Variants in ITGBL1 observed in about 807,000 individuals in gnomAD.
The protein encoded by ITGBL1 is integrin beta-like protein 1.
ITGBL1 carries 51 observed loss-of-function variants against 68.5 expected under a neutral mutation model. The observed-to-expected ratio is 0.74, with a 90% CI of 0.59 to 0.94. The LOEUF (loss-of-function observed/expected upper bound fraction) is 0.94. Among genes scored for constraint, ITGBL1 ranks in the 40% least tolerant of loss-of-function variants. The pLI is 0.00. For synonymous variants in ITGBL1, 209 were observed against 227.3 expected (o/e 0.92, Z 0.72); for missense variants, 649 against 647.4 (o/e 1.00, Z -0.03).
At chr13:101,638,416 A>G (rs2032246370) in intron 7 of ITGBL1, among the ~76,000 whole-genome samples, 2 of 128,420 alleles carry the variant, frequency 1.6e-5, no homozygotes, top group South Asian at 2.7e-4. Flanking sequence ...TTCAGTATTT[A>G]CCTTCTTTCT....
At chr13:101,609,545 A>T (rs968256983) in intron 7 of ITGBL1, among the ~76,000 whole-genome samples, 1 of 152,128 alleles carries the variant, frequency 6.6e-6, no homozygotes, top group Non-Finnish European at 1.5e-5. Context: ...AGAAGAGACG[A>T]TCTCATTCAG....
At chr13:101,631,750 G>A (rs1005200209) in intron 7 of ITGBL1, among the ~76,000 whole-genome samples, 2 of 152,104 alleles carry the variant, frequency 1.3e-5, no homozygotes, top group Non-Finnish European at 2.9e-5. Flanking sequence ...AATATGAAAA[G>A]ATATTTACAC....
chr13:101,714,447 A>C lies in ITGBL1; in HGVS notation c.1289A>C (p.His430Pro), dbSNP rs768104574. ...GILCSGKGSC[H>P]CGKCICSAEE... ...GCCTTTGTAATTTCAGGTTCTTGTC[A>C]TTGTGGGAAGTGCATTTGTTCTGCT... Residue 430 changes from histidine to proline, a missense_variant, in exon 10 of 11, where the codon CAT becomes CCT. Physicochemically the swap from His to Pro is moderately conservative, Grantham distance 77. Transcript: ENST00000376180. 1 of 1,599,870 alleles carries C rather than the reference A, an allele frequency of 6.3e-7. No homozygotes were observed. The highest frequency in any genetic ancestry group is 1.7e-5 in the Admixed American group (1 of 60,002).
At chr13:101,532,713 C>T (rs2049505402) in intron 2 of ITGBL1, among the ~76,000 whole-genome samples, 2 of 152,010 alleles carry the variant, frequency 1.3e-5, no homozygotes, top group Admixed American at 6.6e-5. Context: ...TGCATAACAA[C>T]GTTTTGATAA....
intron 3 of ITGBL1, among the ~76,000 whole-genome samples, chr13:101,568,331 AT>A (rs1262312637): frequency 4.6e-5 from 7 of 152,116 alleles, no homozygotes; most frequent in Non-Finnish European, 4.4e-5. Flanking sequence ...AATATTTTTT[AT>A]TTCATAGAAG....
At chr13:101,709,345 C>T (rs552848665) in intron 9 of ITGBL1, among the ~76,000 whole-genome samples, 101 of 117,610 alleles carry the variant, frequency 8.6e-4, no homozygotes, top group African/African-American at 3.4e-3. Flanking sequence ...GCAGTCCGGC[C>T]TGGGTGACAG....
At chr13:101,538,153 A>T (rs919524716) in intron 2 of ITGBL1, among the ~76,000 whole-genome samples, 1 of 152,080 alleles carries the variant, frequency 6.6e-6, no homozygotes, top group African/African-American at 2.4e-5. Flanking sequence ...TATTGGTGTA[A>T]CTAAGGAAAT....
chr13:101,470,191 G>A (rs1156493253), intron 2 of ITGBL1, among the ~76,000 whole-genome samples: 1 of 152,120 alleles, frequency 6.6e-6, no homozygotes, highest in East Asian at 1.9e-4. Context: ...GAAATATTCT[G>A]TTACCTTAGC....
intron 7 of ITGBL1, among the ~76,000 whole-genome samples, chr13:101,608,029 A>G (rs149976040): frequency 6.6e-6 from 1 of 152,192 alleles, no homozygotes; most frequent in Non-Finnish European, 1.5e-5. Flanking sequence ...GGTATTGCAT[A>G]TGTTTTAGTT....
intron 8 of ITGBL1, among the ~76,000 whole-genome samples, chr13:101,698,607 C>G (rs937914086): frequency 6.6e-6 from 1 of 152,090 alleles, no homozygotes; most frequent in African/African-American, 2.4e-5. Context: ...CTCAAAACAT[C>G]TTTATTAAAA....
intron 2 of ITGBL1, among the ~76,000 whole-genome samples, chr13:101,471,528 ATGTATG>A (rs1176291092): frequency 7.7e-5 from 9 of 117,124 alleles, no homozygotes; most frequent in African/African-American, 2.1e-4. Context: ...GTGTGTGTGT[ATGTATG>A]TGTGTGTGTG....
chr13:101,663,381 C>G (rs2033135935), intron 7 of ITGBL1, among the ~76,000 whole-genome samples: 1 of 152,120 alleles, frequency 6.6e-6, no homozygotes, highest in Non-Finnish European at 1.5e-5. Flanking sequence ...GATCTAGTCT[C>G]TTTGTGCAGA....
chr13:101,593,339 C>T lies in ITGBL1; in HGVS notation c.869-4814C>T, dbSNP rs138929803. ...GGGTGAAAATGTAAATTAGTATAGTCACTATGGAAAACTGTATGGAGGTTC... is the reference window on the plus strand; with the variant it reads ...GGGTGAAAATGTAAATTAGTATAGTTACTATGGAAAACTGTATGGAGGTTC... On this transcript the variant is annotated intron_variant, in intron 6 of 10. Coordinates refer to ENST00000376180, the MANE Select transcript of ITGBL1 (RefSeq NM_004791.3). Among the ~76,000 whole-genome samples, 760 of 152,090 alleles carry T rather than the reference C, an allele frequency of 5.0e-3. 3 individuals are homozygous for T. The highest frequency in any genetic ancestry group is 8.1e-3 in the Admixed American group (123 of 15,268).
At chr13:101,618,736 A>G (rs1301433800) in intron 7 of ITGBL1, among the ~76,000 whole-genome samples, 4 of 152,132 alleles carry the variant, frequency 2.6e-5, no homozygotes, top group African/African-American at 7.2e-5. Flanking sequence ...AATCTTGTCT[A>G]CTGCAGATGG....
chr13:101,656,803 T>C (rs2032939075), intron 7 of ITGBL1, among the ~76,000 whole-genome samples: 1 of 152,172 alleles, frequency 6.6e-6, no homozygotes, highest in Non-Finnish European at 1.5e-5. Context: ...GTCTACATCA[T>C]CTGTTTTTGC....
intron 7 of ITGBL1, among the ~76,000 whole-genome samples, chr13:101,601,237 T>C (rs1055666634): frequency 6.6e-6 from 1 of 152,248 alleles, no homozygotes; most frequent in Non-Finnish European, 1.5e-5. Context: ...GTGTTTATAG[T>C]ATTCTCTGAT....
chr13:101,593,045 A>G (rs1176219570), intron 6 of ITGBL1, among the ~76,000 whole-genome samples: 1 of 152,102 alleles, frequency 6.6e-6, no homozygotes, highest in Admixed American at 6.5e-5. Context: ...TTAAGAATAC[A>G]TAGGGAACTT....
At chr13:101,531,691 T>TTTTATTTTGTTA (rs201464064) in intron 2 of ITGBL1, among the ~76,000 whole-genome samples, 4,255 of 143,394 alleles carry the variant, frequency 0.03, 84 homozygotes, top group African/African-American at 0.045. Flanking sequence ...GTTTTATTTT[T>TTTTATTTTGTTA]TTTATTTTGT....
At chr13:101,719,684 C>A (rs141430976), downstream of ITGBL1, 1 of 152,052 alleles carries the variant, frequency 6.6e-6, no homozygotes, top group Non-Finnish European at 1.5e-5. Context: ...AAATAACCCT[C>A]CCACACCAGA....
Sources: allele counts gnomAD v4.1 joint callset (sites outside exome capture counted in the v4.1 genomes callset), GRCh38; gene constraint gnomAD v4.1.1; transcripts MANE v1.5; gene names NCBI Gene and HGNC (gene_info 2026-07-23, HGNC 2026-07-21).